PKNOX2: variants seen among roughly 807,000 people sequenced by gnomAD.
The protein encoded by PKNOX2 is homeobox protein PKNOX2.
A neutral mutation model predicts 53.1 loss-of-function variants in PKNOX2; 14 were observed. That is an observed-to-expected ratio of 0.26 (90% CI 0.17 to 0.41). The LOEUF (loss-of-function observed/expected upper bound fraction) is 0.41. Ranked by LOEUF, PKNOX2 falls within the 10% of genes least tolerant of loss-of-function variation. The probability of loss-of-function intolerance (pLI) is 1.00; values close to 1 mark genes in which losing one functional copy is unlikely to be tolerated. For synonymous variants in PKNOX2, 257 were observed against 242.8 expected, an observed-to-expected ratio of 1.06 and a Z score of -0.54; for missense variants, 496 against 602.8, an observed-to-expected ratio of 0.82 and a Z score of 1.85.
At chr11:125,395,578 A>G (rs1954327953) in intron 6 of PKNOX2, among the ~76,000 whole-genome samples, 1 of 152,184 alleles carries the variant, frequency 6.6e-6, no homozygotes, top group Admixed American at 6.5e-5. Context: ...CCTCACCAGC[A>G]TTTGGTGTTG....
At chr11:125,191,205 A>C (rs1956857606) in intron 1 of PKNOX2, 1 of 152,230 alleles carries the variant, frequency 6.6e-6, no homozygotes, top group Non-Finnish European at 1.5e-5. Flanking sequence ...AGAAGTCAAG[A>C]GACTTGCCCA....
intron 7 of PKNOX2, among the ~76,000 whole-genome samples, chr11:125,407,241 A>G (rs920810702): frequency 2.0e-5 from 3 of 152,174 alleles, no homozygotes; most frequent in African/African-American, 7.2e-5. Flanking sequence ...AGTTACCCAA[A>G]TTGGGTAAAT....
At chr11:125,426,915 T>A (rs1452845340) in intron 10 of PKNOX2, among the ~76,000 whole-genome samples, 2 of 152,234 alleles carry the variant, frequency 1.3e-5, no homozygotes. Flanking sequence ...GGCTGTGATC[T>A]GTGGCAGGCC....
chr11:125,410,001 G>GT (rs199866535), intron 7 of PKNOX2, 195 bp from the exon 8 acceptor site: 12,750 of 699,450 alleles, frequency 0.018, 143 homozygotes, highest in African/African-American at 0.037. Context: ...TTTTGTTTTT[G>GT]TTTTTTTTAA....
At chr11:125,402,701 C>T (rs547062425) in intron 7 of PKNOX2, among the ~76,000 whole-genome samples, 6 of 152,236 alleles carry the variant, frequency 3.9e-5, no homozygotes, top group South Asian at 2.1e-4. Context: ...AAGGAGCAGC[C>T]AAAGAGATGG....
intron 10 of PKNOX2, among the ~76,000 whole-genome samples, chr11:125,415,868 T>G (rs1043391589): frequency 1.3e-5 from 2 of 152,222 alleles, no homozygotes; most frequent in Non-Finnish European, 2.9e-5. Flanking sequence ...AAGAGATACT[T>G]TAATTTAAAA....
chr11:125,410,926 C>T, intron 9 of PKNOX2, 50 bp downstream of exon 9: 1 of 1,487,606 alleles, frequency 6.7e-7, no homozygotes, highest in Non-Finnish European at 9.4e-7. Flanking sequence ...GCTAGGGCAC[C>T]TGTAATCGCT....
chr11:125,250,278 A>G (rs146247078), intron 2 of PKNOX2, among the ~76,000 whole-genome samples: 2 of 152,154 alleles, frequency 1.3e-5, no homozygotes, highest in African/African-American at 4.8e-5. Context: ...TCAAAAACAA[A>G]CAAAAATAAC....
intron 1 of PKNOX2, among the ~76,000 whole-genome samples, chr11:125,188,748 T>C (rs1317648270): frequency 6.6e-6 from 1 of 152,126 alleles, no homozygotes; most frequent in Non-Finnish European, 1.5e-5. Context: ...TCATAGCCAA[T>C]GGTTAGTTTC....
intron 2 of PKNOX2, among the ~76,000 whole-genome samples, chr11:125,278,571 C>T (rs1173956611): frequency 2.6e-5 from 4 of 152,126 alleles, no homozygotes; most frequent in Non-Finnish European, 5.9e-5. Flanking sequence ...CTGAGGGCCT[C>T]GGGATGGCCG....
chr11:125,369,080 G>A (rs1179990144), intron 5 of PKNOX2, among the ~76,000 whole-genome samples: 1 of 152,208 alleles, frequency 6.6e-6, no homozygotes, highest in African/African-American at 2.4e-5. Flanking sequence ...CCCAATGACG[G>A]TGCCTTTATG....
intron 1 of PKNOX2, among the ~76,000 whole-genome samples, chr11:125,183,888 A>G (rs1378330964): frequency 6.6e-6 from 1 of 152,192 alleles, no homozygotes; most frequent in Non-Finnish European, 1.5e-5. Flanking sequence ...AGAGTGGAGA[A>G]CATGAATGGG....
intron 4 of PKNOX2, among the ~76,000 whole-genome samples, chr11:125,351,663 A>G (rs1442178836): frequency 6.6e-6 from 1 of 152,066 alleles, no homozygotes; most frequent in Non-Finnish European, 1.5e-5. Context: ...CACCCCATCC[A>G]TCAGACAGCA....
rs560186029 is a variant in PKNOX2 at position 125,394,410 on chromosome 11, G to A, written c.400-3464G>A. On this transcript the variant is annotated intron_variant, in intron 6 of 12. Transcript: ENST00000298282. ...ACCTTGTGACTGAGCCCTGCATGAC[G>A]ACACACAATCGCTGCTTTCTGTCTT... Among the ~76,000 whole-genome samples the A allele has an allele frequency of 3.2e-3, 482 of 152,272 alleles. 2 individuals carry two copies. Among genetic ancestry groups the A allele is most frequent in the Non-Finnish European group, 5.2e-3 (353 of 68,026 alleles).
chr11:125,405,707 C>T (rs770284924), intron 7 of PKNOX2, among the ~76,000 whole-genome samples: 1 of 152,208 alleles, frequency 6.6e-6, no homozygotes, highest in African/African-American at 2.4e-5. Flanking sequence ...CACCAGTTCT[C>T]TGCCATTCCA....
At chr11:125,363,886 G>T (rs920819560) in intron 4 of PKNOX2, among the ~76,000 whole-genome samples, 4 of 152,214 alleles carry the variant, frequency 2.6e-5, no homozygotes, top group Non-Finnish European at 5.9e-5. Flanking sequence ...GCCCTGATTT[G>T]CAGCATTTGC....
At chr11:125,336,129 ATTAT>A (rs1950422052) in intron 3 of PKNOX2, among the ~76,000 whole-genome samples, 1 of 152,180 alleles carries the variant, frequency 6.6e-6, no homozygotes, top group Non-Finnish European at 1.5e-5. Flanking sequence ...TAGATGCATA[ATTAT>A]TTATTTATTG....
intron 2 of PKNOX2, among the ~76,000 whole-genome samples, chr11:125,308,132 G>A (rs1016305253): frequency 2.6e-5 from 4 of 152,162 alleles, no homozygotes; most frequent in Non-Finnish European, 4.4e-5. Flanking sequence ...GTATGGTCCC[G>A]GGAGACCCCT....
At chr11:125,313,241 A>G (rs1948941256) in intron 2 of PKNOX2, among the ~76,000 whole-genome samples, 1 of 152,202 alleles carries the variant, frequency 6.6e-6, no homozygotes, top group Non-Finnish European at 1.5e-5. Flanking sequence ...ACTGAGGAAC[A>G]TGGAAGAAAG....
Sources: allele counts gnomAD v4.1 joint callset (sites outside exome capture counted in the v4.1 genomes callset), GRCh38; gene constraint gnomAD v4.1.1; transcripts MANE v1.5; gene names NCBI Gene and HGNC (gene_info 2026-07-23, HGNC 2026-07-21).